COL4A6: variants seen among roughly 807,000 people sequenced by gnomAD.
COL4A6 encodes the protein collagen type IV alpha 6 chain, also known as collagen alpha-6(IV) chain.
Under a neutral mutation model 126.7 loss-of-function variants are expected in COL4A6, and 59 were observed. The ratio of observed to expected loss-of-function variants is 0.47; its 90% CI spans 0.38 to 0.58. COL4A6 has a LOEUF of 0.58. COL4A6 is among the 20% of genes least tolerant of loss of function. The pLI is 0.00. For missense variants in COL4A6, 1,285 were observed against 1,337.3 expected (o/e 0.96, Z 0.61); for synonymous variants, 547 against 496.6 (o/e 1.10, Z -1.35).
chrX:108,289,242 AGTGTGTGTGTGTGT>A lies in COL4A6; in HGVS notation c.144+21492_144+21505del, dbSNP rs34639525. On this transcript the variant is annotated intron_variant, in intron 3 of 44. Transcript: ENST00000334504. ...TATATTTCCCAAGAGCAATGAGTAT[AGTGTGTGTGTGTGT>A]GTGTGTGTGTGTGTGTGTGTGTGTG... is the stretch of plus-strand genomic sequence containing the variant. Among the ~76,000 whole-genome samples the A allele has an allele frequency of 2.5e-4, 23 of 91,316 alleles. No homozygotes were observed. The East Asian group carries it at 5.1e-3, about 20-fold the overall frequency. 79.3% of individuals were successfully genotyped at this position (91,316 alleles called of 115,157 possible).
At chrX:108,360,738 A>G (rs745394793) in intron 2 of COL4A6, among the ~76,000 whole-genome samples, 15 of 109,731 alleles carry the variant, frequency 1.4e-4, no homozygotes, top group Admixed American at 3.9e-4. Flanking sequence ...GGTTTTCACT[A>G]TGTTGGCCAA....
At chrX:108,387,323 AAT>A (rs1178322573) in intron 2 of COL4A6, among the ~76,000 whole-genome samples, 2 of 111,839 alleles carry the variant, frequency 1.8e-5, no homozygotes, top group Non-Finnish European at 1.9e-5. Context: ...CCATTTTCAC[AAT>A]ATTGATTCTT....
intron 23 of COL4A6, among the ~76,000 whole-genome samples, chrX:108,186,660 C>T (rs1319722831): frequency 9.0e-6 from 1 of 111,706 alleles, no homozygotes; most frequent in East Asian, 2.8e-4. Context: ...TAGATTTCTG[C>T]CCAATCTGAG....
At chrX:108,401,483 C>A (rs1424267522) in intron 2 of COL4A6, among the ~76,000 whole-genome samples, 3 of 110,253 alleles carry the variant, frequency 2.7e-5, no homozygotes, top group East Asian at 5.6e-4. Context: ...GTTACGATAG[C>A]ATAATATGTA....
rs1193994315 is a variant in COL4A6, at chrX:108,171,433, G to A, written c.3231C>T (p.Ser1077=). 6.6e-6 allele frequency: 8 copies of A among 1,210,793 alleles called. No individual in the cohort carries two copies. Among genetic ancestry groups the A allele is most frequent in the East Asian group, 3.0e-5 (1 of 33,846 alleles). Residue 1077 remains serine (S), a synonymous_variant, in exon 33 of 45, where the codon TCC becomes TCT. Coordinates refer to ENST00000334504, the MANE Select transcript of COL4A6 (RefSeq NM_033641.4). ...GCTGTCCCTTGGGTCCTGGGCTACC[G>A]GAAATTTCAACTGTCTGGCCGTTGT... ...KGDNGQTVEI[S]GSPGPKGQPG... is the part of the protein sequence containing the mutation.
chrX:108,305,021 A>G (rs1035863085), intron 3 of COL4A6, among the ~76,000 whole-genome samples: 6 of 112,095 alleles, frequency 5.4e-5, no homozygotes, highest in Non-Finnish European at 1.1e-4. Flanking sequence ...CGGACTCTGC[A>G]GAGTCTAAGA....
chrX:108,404,418 C>T (rs1669816376), intron 2 of COL4A6, among the ~76,000 whole-genome samples: 1 of 111,391 alleles, frequency 9.0e-6, no homozygotes, highest in African/African-American at 3.3e-5. Context: ...GAGGATATCA[C>T]TCCCATATAC....
intron 2 of COL4A6, among the ~76,000 whole-genome samples, chrX:108,421,437 G>A (rs1281949295): frequency 8.9e-6 from 1 of 111,908 alleles, no homozygotes; most frequent in Non-Finnish European, 1.9e-5. Flanking sequence ...CCAAGAGTAA[G>A]AATCTGCAGG....
intron 13 of COL4A6, among the ~76,000 whole-genome samples, chrX:108,202,066 G>A (rs984210102): frequency 7.2e-5 from 8 of 110,994 alleles, no homozygotes; most frequent in African/African-American, 2.6e-4. Context: ...TCGCACTTAC[G>A]GTTCCCTCAG....
intron 2 of COL4A6, among the ~76,000 whole-genome samples, chrX:108,348,861 C>T (rs927808587): frequency 8.1e-5 from 9 of 111,353 alleles, no homozygotes; most frequent in Non-Finnish European, 1.7e-4. Context: ...TCATTTTTTT[C>T]TTCACCATCA....
intron 19 of COL4A6, among the ~76,000 whole-genome samples, 182 bp downstream of exon 19, chrX:108,191,211 T>C (rs957996185): frequency 1.8e-5 from 2 of 112,261 alleles, no homozygotes; most frequent in African/African-American, 6.5e-5. Flanking sequence ...CTGTTATCAA[T>C]AACTGGTAGA....
At chrX:108,374,654 A>G (rs1217751415) in intron 2 of COL4A6, among the ~76,000 whole-genome samples, 2 of 112,348 alleles carry the variant, frequency 1.8e-5, no homozygotes, top group East Asian at 2.8e-4. Flanking sequence ...TTAATCACAA[A>G]GTCCCTAGAC....
intron 2 of COL4A6, among the ~76,000 whole-genome samples, chrX:108,423,413 T>A (rs73533288): frequency 0.074 from 8,225 of 111,769 alleles, 666 homozygotes; most frequent in African/African-American, 0.23. Flanking sequence ...GCATTATCTC[T>A]TTTAAGCATC....
At chrX:108,255,237 G>C (rs914018095) in intron 3 of COL4A6, among the ~76,000 whole-genome samples, 5 of 106,652 alleles carry the variant, frequency 4.7e-5, no homozygotes, top group African/African-American at 6.8e-5. Context: ...AATGGAAGTG[G>C]GGGGGCTACT....
chrX:108,313,544 C>A (rs2038811768), intron 2 of COL4A6, among the ~76,000 whole-genome samples: 1 of 110,792 alleles, frequency 9.0e-6, no homozygotes, highest in African/African-American at 3.3e-5. Context: ...GGTACATGTG[C>A]ACAACGTGCA....
At chrX:108,157,430 G>A (rs2033777386) in intron 44 of COL4A6, among the ~76,000 whole-genome samples, 170 bp from the exon 45 acceptor site, 1 of 111,407 alleles carries the variant, frequency 9.0e-6, no homozygotes, top group African/African-American at 3.3e-5. Flanking sequence ...TTTAGGGGCA[G>A]GGGCTGCTTG....
chrX:108,421,375 C>A (rs1406331005), intron 2 of COL4A6, among the ~76,000 whole-genome samples: 2 of 111,799 alleles, frequency 1.8e-5, no homozygotes, highest in Non-Finnish European at 3.8e-5. Context: ...TGGGGAATAT[C>A]AAGAGAGTGC....
intron 15 of COL4A6, 150 bp from the exon 16 acceptor site, chrX:108,194,737 T>C (rs1288016851): frequency 8.2e-5 from 46 of 560,123 alleles, no homozygotes; most frequent in Non-Finnish European, 1.3e-4. Context: ...AGCTGTAAAA[T>C]CTTCCAGAAG....
chrX:108,260,071 CTAGAT>C (rs1462143065), intron 3 of COL4A6, among the ~76,000 whole-genome samples: 1 of 109,515 alleles, frequency 9.1e-6, no homozygotes, highest in Non-Finnish European at 1.9e-5. Flanking sequence ...AAAGTCTCGA[CTAGAT>C]AAGAAATGCT....
Sources: gnomAD v4.1 joint callset for allele counts (sites outside exome capture counted in the v4.1 genomes callset) on GRCh38, gnomAD v4.1.1 for gene constraint, MANE v1.5 for transcripts, NCBI Gene and HGNC (gene_info 2026-07-23, HGNC 2026-07-21) for gene names.